CPEB1: variants seen among roughly 807,000 people sequenced by gnomAD.
CPEB1 encodes cytoplasmic polyadenylation element-binding protein 1.
In CPEB1, 7 loss-of-function variants were observed where a neutral mutation model predicts 65.8. The ratio of observed to expected loss-of-function variants is 0.11; its 90% CI spans 0.06 to 0.20. The LOEUF (loss-of-function observed/expected upper bound fraction) is 0.20, where lower values mean the gene tolerates loss of function less well. Ranked by LOEUF, CPEB1 falls within the 10% of genes least tolerant of loss-of-function variation. CPEB1 has a pLI of 1.00. For missense variants in CPEB1, 551 were observed against 712.2 expected (o/e 0.77, Z 2.58); for synonymous variants, 262 against 260.0 (o/e 1.01, Z -0.08).
intron 10 of CPEB1, 152 bp from the exon 11 acceptor site, chr15:82,547,389 C>T (rs576281305): frequency 2.7e-5 from 15 of 549,880 alleles, no homozygotes; most frequent in South Asian, 2.1e-4. Context: ...CTCTGCCTCC[C>T]GGTTTCACGC....
At chr15:82,625,119 C>T (rs2045644754) in intron 3 of CPEB1, among the ~76,000 whole-genome samples, 1 of 152,122 alleles carries the variant, frequency 6.6e-6, no homozygotes, top group African/African-American at 2.4e-5. Context: ...CCATGCCTGG[C>T]CTGTCATTCT....
At chr15:82,629,300 T>C (rs761721512) in intron 1 of CPEB1, 9 of 985,120 alleles carry the variant, frequency 9.1e-6, no homozygotes, top group Non-Finnish European at 1.1e-5. Flanking sequence ...ACACTAATTA[T>C]TGAATACAAG....
chr15:82,645,227 A>G (rs1030937633), intron 1 of CPEB1, among the ~76,000 whole-genome samples: 1 of 152,122 alleles, frequency 6.6e-6, no homozygotes, highest in African/African-American at 2.4e-5. Context: ...ATCTCGGCTC[A>G]CTGCAACTTC....
chr15:82,600,119 A>G (rs1159529803), intron 3 of CPEB1, among the ~76,000 whole-genome samples: 1 of 152,196 alleles, frequency 6.6e-6, no homozygotes, highest in Non-Finnish European at 1.5e-5. Flanking sequence ...AAAGATAACC[A>G]TATTTAAACT....
At chr15:82,605,811 G>A (rs1349358759) in intron 3 of CPEB1, among the ~76,000 whole-genome samples, 2 of 152,100 alleles carry the variant, frequency 1.3e-5, no homozygotes, top group African/African-American at 4.8e-5. Context: ...GGCTGAGGTG[G>A]GCGGATCACC....
Position 82,573,722 on chromosome 15 carries a change from G to A in CPEB1, c.272-2190C>T, listed in dbSNP as rs577129763. On this transcript the variant is annotated intron_variant, in intron 3 of 12. Transcript: ENST00000684509. The stretch of plus-strand genomic sequence containing the variant: ...AGACCAGCAATATGAGCATCACCAG[G>A]AGCTTGTTATAAATACTGAGTCTCA... 2.0e-5 allele frequency among the ~76,000 whole-genome samples: 3 copies of A among 152,164 alleles called. No individual in the cohort carries two copies. The South Asian group carries it at 6.2e-4, about 32-fold the overall frequency.
At chr15:82,637,849 C>T (rs1330181280) in intron 1 of CPEB1, 1 of 336,762 alleles carries the variant, frequency 3.0e-6, no homozygotes, top group African/African-American at 2.2e-5. Context: ...CTTTTAATTA[C>T]TCAAGAGCTT....
intron 4 of CPEB1, among the ~76,000 whole-genome samples, chr15:82,558,361 T>C (rs1305769503): frequency 2.0e-5 from 3 of 152,204 alleles, no homozygotes; most frequent in Non-Finnish European, 4.4e-5. Context: ...CAAACCATAC[T>C]TCATCTTTAC....
intron 3 of CPEB1, among the ~76,000 whole-genome samples, chr15:82,625,222 C>A (rs1490568499): frequency 6.6e-6 from 1 of 152,098 alleles, no homozygotes; most frequent in African/African-American, 2.4e-5. Flanking sequence ...TTTAACTCAG[C>A]GTAAACTAAA....
intron 3 of CPEB1, among the ~76,000 whole-genome samples, chr15:82,577,187 T>G (rs1207929490): frequency 6.6e-6 from 1 of 152,204 alleles, no homozygotes; most frequent in South Asian, 2.1e-4. Context: ...TTGTTTTGTT[T>G]TTGCAGCTGA....
At chr15:82,569,246 C>G (rs2039646872) in intron 4 of CPEB1, among the ~76,000 whole-genome samples, 1 of 152,184 alleles carries the variant, frequency 6.6e-6, no homozygotes, top group Non-Finnish European at 1.5e-5. Flanking sequence ...CTCATGTGGG[C>G]TTTCCAAGAA....
At chr15:82,648,163 TGCTA>T (rs2047737020), upstream of CPEB1, 1 of 337,098 alleles carries the variant, frequency 3.0e-6, no homozygotes, top group Non-Finnish European at 5.4e-6. Flanking sequence ...CTGCCGCCGC[TGCTA>T]GCCACAGCTG....
chr15:82,647,749 G>C, upstream of CPEB1: 1 of 1,030,040 alleles, frequency 9.7e-7, no homozygotes, highest in Non-Finnish European at 1.2e-6. Context: ...TCGCCCGCAC[G>C]GGGCGGGGGA....
At chr15:82,605,228 C>G (rs572436028) in intron 3 of CPEB1, among the ~76,000 whole-genome samples, 1 of 152,252 alleles carries the variant, frequency 6.6e-6, no homozygotes, top group South Asian at 2.1e-4. Flanking sequence ...ACAACAAATA[C>G]TAAAGAGCAT....
chr15:82,629,678 T>A (rs2046078728), intron 1 of CPEB1: 1 of 985,304 alleles, frequency 1.0e-6, no homozygotes, highest in Admixed American at 6.2e-5. Context: ...TCAGTTCTAT[T>A]ATCCTCAATT....
intron 3 of CPEB1, among the ~76,000 whole-genome samples, chr15:82,580,837 C>T (rs938848934): frequency 6.2e-5 from 9 of 145,244 alleles, no homozygotes; most frequent in African/African-American, 1.8e-4. Context: ...TGTTGCAGTA[C>T]GTCCCCAATT....
chr15:82,645,407 C>A (rs2047420074), intron 1 of CPEB1, among the ~76,000 whole-genome samples: 3 of 152,022 alleles, frequency 2.0e-5, no homozygotes, highest in Non-Finnish European at 2.9e-5. Flanking sequence ...CCCGCCTGGG[C>A]CTCCCAAAGT....
chr15:82,619,595 A>G (rs565770368), intron 3 of CPEB1, among the ~76,000 whole-genome samples: 3 of 152,334 alleles, frequency 2.0e-5, no homozygotes, highest in African/African-American at 7.2e-5. Context: ...AAACAAGAAA[A>G]AGGTAGATAA....
At chr15:82,589,477 C>G (rs1356325806) in intron 3 of CPEB1, among the ~76,000 whole-genome samples, 1 of 152,174 alleles carries the variant, frequency 6.6e-6, no homozygotes, top group Non-Finnish European at 1.5e-5. Context: ...GGCATGGTAG[C>G]TACTGCCTGT....
Sources: allele counts gnomAD v4.1 joint callset (sites outside exome capture counted in the v4.1 genomes callset), GRCh38; gene constraint gnomAD v4.1.1; transcripts MANE v1.5; gene names NCBI Gene and HGNC (gene_info 2026-07-23, HGNC 2026-07-21).